The following NKAIN3 variants were observed in gnomAD, a reference collection of about 807,000 sequenced individuals.
The protein encoded by NKAIN3 is sodium/potassium transporting ATPase interacting 3, also known as sodium/potassium-transporting ATPase subunit beta-1-interacting protein 3.
In NKAIN3, 25 loss-of-function variants were observed where a neutral mutation model predicts 30.2. The observed-to-expected ratio is 0.83, with a 90% confidence interval of 0.60 to 1.16. The LOEUF is 1.16. NKAIN3 is among the 50% of genes most tolerant of loss of function. The pLI is 0.00. For synonymous variants in NKAIN3, 91 were observed against 89.6 expected (o/e 1.02, Z -0.09); for missense variants, 225 against 254.1 (o/e 0.89, Z 0.78).
At chr8:62,727,476 A>G (rs1482444212) in intron 3 of NKAIN3, among the ~76,000 whole-genome samples, 1 of 152,172 alleles carries the variant, frequency 6.6e-6, no homozygotes, top group Non-Finnish European at 1.5e-5. Flanking sequence ...AACTCCTAGA[A>G]CTAATAAACA....
At chr8:62,506,167 A>T (rs1173914945) in intron 1 of NKAIN3, among the ~76,000 whole-genome samples, 1 of 146,580 alleles carries the variant, frequency 6.8e-6, no homozygotes, top group South Asian at 2.3e-4. Context: ...GCTTAATCAC[A>T]TCTGCAAAGT....
intron 4 of NKAIN3, among the ~76,000 whole-genome samples, chr8:62,806,229 T>G (rs1818275526): frequency 6.6e-6 from 1 of 152,210 alleles, no homozygotes; most frequent in African/African-American, 2.4e-5. Flanking sequence ...GTTCAACCAT[T>G]GTGGAAGTCA....
chr8:62,621,052 C>T (rs1388277109), intron 3 of NKAIN3, among the ~76,000 whole-genome samples: 8 of 152,102 alleles, frequency 5.3e-5, no homozygotes, highest in East Asian at 1.9e-4. Flanking sequence ...AAGAAGTAAT[C>T]GCAAGTGCTC....
chr8:62,747,948 A>G (rs529912774), intron 4 of NKAIN3, among the ~76,000 whole-genome samples: 6 of 152,310 alleles, frequency 3.9e-5, no homozygotes, highest in Admixed American at 3.3e-4. Context: ...TAAATAGATA[A>G]CACAAATATG....
chr8:62,358,199 T>C (rs1816421230), intron 1 of NKAIN3, among the ~76,000 whole-genome samples: 1 of 151,918 alleles, frequency 6.6e-6, no homozygotes, highest in African/African-American at 2.4e-5. Context: ...GTACTTACAT[T>C]TATGAGATTG....
At chr8:62,409,901 A>G (rs1392193340) in intron 1 of NKAIN3, among the ~76,000 whole-genome samples, 3 of 152,134 alleles carry the variant, frequency 2.0e-5, no homozygotes, top group Non-Finnish European at 4.4e-5. Flanking sequence ...TAAATATTCA[A>G]AAATTGTACA....
intron 3 of NKAIN3, among the ~76,000 whole-genome samples, chr8:62,718,156 C>A (rs539464087): frequency 1.3e-5 from 2 of 152,166 alleles, no homozygotes; most frequent in Non-Finnish European, 2.9e-5. Flanking sequence ...CCCCATGATT[C>A]AATTACCTCC....
chr8:62,522,920 G>A (rs890328920), intron 1 of NKAIN3, among the ~76,000 whole-genome samples: 1 of 152,102 alleles, frequency 6.6e-6, no homozygotes, highest in Admixed American at 6.5e-5. Flanking sequence ...ACTGAAGAAA[G>A]AAAAGTATTG....
intron 1 of NKAIN3, among the ~76,000 whole-genome samples, chr8:62,257,236 T>C (rs1812291469): frequency 6.6e-6 from 1 of 152,222 alleles, no homozygotes; most frequent in African/African-American, 2.4e-5. Flanking sequence ...TTTGAATATG[T>C]CCTTCTAATA....
intron 1 of NKAIN3, among the ~76,000 whole-genome samples, chr8:62,334,165 G>A (rs1815451208): frequency 6.6e-6 from 1 of 152,064 alleles, no homozygotes; most frequent in African/African-American, 2.4e-5. Flanking sequence ...ACCTGATGTA[G>A]GAGACTTTAT....
intron 1 of NKAIN3, among the ~76,000 whole-genome samples, chr8:62,395,350 A>G (rs1228477505): frequency 6.6e-6 from 1 of 151,922 alleles, no homozygotes; most frequent in East Asian, 1.9e-4. Context: ...CTCACTTCCC[A>G]GACCGAGGGA....
At chr8:62,986,328 A>T (rs1172818207), downstream of NKAIN3, among the ~76,000 whole-genome samples, 1 of 152,168 alleles carries the variant, frequency 6.6e-6, no homozygotes, top group Non-Finnish European at 1.5e-5. Context: ...TGCCAAGTGG[A>T]TGTTGCTAGC....
At chr8:62,608,639 C>G in intron 3 of NKAIN3, among the ~76,000 whole-genome samples, 1 of 152,156 alleles carries the variant, frequency 6.6e-6, no homozygotes, top group African/African-American at 2.4e-5. Flanking sequence ...TTCCAAGATA[C>G]TCTCTTTTAT....
chr8:62,787,856 A>C (rs1817573768), intron 4 of NKAIN3, among the ~76,000 whole-genome samples: 1 of 151,988 alleles, frequency 6.6e-6, no homozygotes, highest in Non-Finnish European at 1.5e-5. Context: ...AAAGGATGGG[A>C]ACTCATCATT....
rs977495255 is a variant in NKAIN3 at position 62,945,468 on chromosome 8, C to A, written c.533-8434C>A. Among the ~76,000 whole-genome samples, 12 of 152,136 alleles carry A rather than the reference C, an allele frequency of 7.9e-5. 1 individual carries two copies. Among genetic ancestry groups the A allele is most frequent in the Non-Finnish European group, 1.8e-4 (12 of 68,042 alleles). On this transcript the variant is annotated intron_variant, in intron 5 of 6. Transcript: ENST00000623646. The stretch of plus-strand genomic sequence containing the variant: ...TAAAACTATCACTTTGTTTGGTGAC[C>A]CGCAGGCTTGTTCTGCCAGGATGAT...
At chr8:62,292,549 T>C (rs1425433017) in intron 1 of NKAIN3, among the ~76,000 whole-genome samples, 1 of 152,248 alleles carries the variant, frequency 6.6e-6, no homozygotes, top group Admixed American at 6.5e-5. Context: ...TCTTTAAGAA[T>C]GTTGAATATT....
At chr8:62,289,134 G>T (rs905433817) in intron 1 of NKAIN3, among the ~76,000 whole-genome samples, 1 of 152,158 alleles carries the variant, frequency 6.6e-6, no homozygotes, top group Non-Finnish European at 1.5e-5. Context: ...TGTAGATTCT[G>T]GATATTAGCC....
At chr8:62,902,927 G>A (rs937635912) in intron 4 of NKAIN3, among the ~76,000 whole-genome samples, 1 of 152,210 alleles carries the variant, frequency 6.6e-6, no homozygotes, top group Non-Finnish European at 1.5e-5. Flanking sequence ...CTTAGAACAA[G>A]GTTCTTTGTG....
intron 3 of NKAIN3, among the ~76,000 whole-genome samples, chr8:62,667,350 T>TATATATATATATGTATATATATATATAA (rs1563508000): frequency 1.3e-5 from 1 of 77,522 alleles, no homozygotes; most frequent in Admixed American, 1.3e-4. Flanking sequence ...ATATTCTTTA[T>TATATATATATATGTATATATATATATAA]ATATATATCT....
Sources: gnomAD v4.1 joint callset for allele counts (sites outside exome capture counted in the v4.1 genomes callset) on GRCh38, gnomAD v4.1.1 for gene constraint, MANE v1.5 for transcripts, NCBI Gene and HGNC (gene_info 2026-07-23, HGNC 2026-07-21) for gene names.